The following SEPTIN7 variants were observed in gnomAD, a reference collection of about 807,000 sequenced individuals.
SEPTIN7 encodes septin 7.
Under a neutral mutation model 63.3 loss-of-function variants are expected in SEPTIN7, and 10 were observed. That is an observed-to-expected ratio of 0.16 (90% confidence interval 0.10 to 0.27). The LOEUF is 0.27. Among genes scored for constraint, SEPTIN7 ranks in the 10% least tolerant of loss-of-function variants. The probability of loss-of-function intolerance (pLI) is 1.00; values close to 1 mark genes in which losing one functional copy is unlikely to be tolerated. For missense variants in SEPTIN7, 310 were observed against 521.0 expected (o/e 0.59, Z 3.94); for synonymous variants, 131 against 165.3 (o/e 0.79, Z 1.59).
At chr7:35,801,009 G>C, upstream of SEPTIN7, 1 of 448,092 alleles carries the variant, frequency 2.2e-6, no homozygotes, top group South Asian at 4.3e-5. Context: ...GCCTCCGCTA[G>C]GCCCGGAAGC....
At chr7:35,844,573 T>G (rs559445490) in intron 3 of SEPTIN7, among the ~76,000 whole-genome samples, 6 of 151,314 alleles carry the variant, frequency 4.0e-5, no homozygotes, top group Non-Finnish European at 8.8e-5. Flanking sequence ...ACTTTGAATC[T>G]CACTTTCCTT....
At chr7:35,914,488 C>G in the SEPTIN7 span, among the ~76,000 whole-genome samples, 1 of 152,144 alleles carries the variant, frequency 6.6e-6, no homozygotes, top group African/African-American at 2.4e-5. Flanking sequence ...TCCGGGCTTT[C>G]TTTGGACTCA....
chr7:35,901,419 CAAAT>C (rs1788314327), intron 12 of SEPTIN7: 2 of 152,096 alleles, frequency 1.3e-5, no homozygotes, highest in African/African-American at 2.4e-5. Context: ...TTTACTGAAA[CAAAT>C]AAAAAGTAAT....
intron 3 of SEPTIN7, among the ~76,000 whole-genome samples, chr7:35,851,128 G>C (rs1158314063): frequency 1.3e-5 from 2 of 152,104 alleles, no homozygotes; most frequent in African/African-American, 4.8e-5. Flanking sequence ...TAACATTCTT[G>C]AGTAGTGATA....
At chr7:35,903,734 T>G (rs1228205780) in intron 13 of SEPTIN7, among the ~76,000 whole-genome samples, 1 of 152,238 alleles carries the variant, frequency 6.6e-6, no homozygotes, top group Non-Finnish European at 1.5e-5. Context: ...TTTCTTTTCC[T>G]TAATAGTTTC....
At chr7:35,816,867 G>T (rs1252269073) in intron 1 of SEPTIN7, among the ~76,000 whole-genome samples, 3 of 152,068 alleles carry the variant, frequency 2.0e-5, no homozygotes, top group African/African-American at 7.2e-5. Flanking sequence ...ACCTTCTCTG[G>T]AGGAATGTCT....
intron 4 of SEPTIN7, among the ~76,000 whole-genome samples, chr7:35,871,837 GTTTGCTTTATC>G (rs966544317): frequency 6.6e-6 from 1 of 152,088 alleles, no homozygotes; most frequent in African/African-American, 2.4e-5. Flanking sequence ...TTGAATCCGT[GTTTGCTTTATC>G]TTGGGTTCCT....
chr7:35,829,719 A>G (rs1783727759), intron 1 of SEPTIN7, among the ~76,000 whole-genome samples: 1 of 152,184 alleles, frequency 6.6e-6, no homozygotes, highest in African/African-American at 2.4e-5. Flanking sequence ...TGGAGCTTAC[A>G]TTGCGGGCAG....
chr7:35,805,138 T>A (rs1788250301), intron 1 of SEPTIN7, among the ~76,000 whole-genome samples: 1 of 152,196 alleles, frequency 6.6e-6, no homozygotes, highest in Non-Finnish European at 1.5e-5. Context: ...TGCCTCGGCC[T>A]CCCAAAGTGC....
In SEPTIN7 at chr7:35,832,205, G is replaced by A; in HGVS notation, c.67-593G>A. 1.2e-5 allele frequency: 5 copies of A among 410,334 alleles called. 1 individual carries two copies. Among genetic ancestry groups the A allele is most frequent in the South Asian group, 8.9e-5 (5 of 56,402 alleles). The allele number at this position is 410,334 out of a possible 1,614,324, so 25.4% of individuals were successfully genotyped here. On this transcript the variant is annotated intron_variant, in intron 2 of 13. Coordinates refer to ENST00000350320, the MANE Select transcript of SEPTIN7 (RefSeq NM_001788.6). ...GAAGATAAAGGCAGTAGGATCATGT[G>A]AAACCTTGAAGTGACAAAATTGGAC...
intron 1 of SEPTIN7, chr7:35,815,239 AG>A: frequency 2.6e-6 from 1 of 387,950 alleles, no homozygotes; most frequent in Non-Finnish European, 5.0e-6. Flanking sequence ...TTTTTTTGAG[AG>A]TAGTGATTAA....
chr7:35,801,382 G>T, intron 1 of SEPTIN7, 112 bp downstream of exon 1: 1 of 1,352,786 alleles, frequency 7.4e-7, no homozygotes, highest in Non-Finnish European at 9.8e-7. Context: ...CGGAGGCAGC[G>T]GCGAGGGGAG....
rs1339152688 is a variant in SEPTIN7, at chr7:35,905,387, T to G, written c.*1094T>G. The G allele has an allele frequency of 6.6e-6, 1 of 152,370 alleles. No individual in the cohort carries two copies. The highest frequency in any genetic ancestry group is 2.4e-5 in the African/African-American group (1 of 41,460). 9.4% of individuals were successfully genotyped at this position (152,370 alleles called of 1,614,324 possible). A position where few individuals can be genotyped will look rare whatever the true frequency, so the allele number is the denominator to read the frequency against. ...TGGGAAGAAACTTTTCAGCTTAAGTTTGCCTCCTCTACAATGACATCTTTT... is the reference window on the plus strand; with the variant it reads ...TGGGAAGAAACTTTTCAGCTTAAGTGTGCCTCCTCTACAATGACATCTTTT... On this transcript the variant is annotated 3_prime_UTR_variant, in exon 14 of 14. Transcript: ENST00000350320.
At chr7:35,910,259 C>T (rs1217806805), downstream of SEPTIN7, among the ~76,000 whole-genome samples, 3 of 152,156 alleles carry the variant, frequency 2.0e-5, no homozygotes, top group Non-Finnish European at 2.9e-5. Context: ...TGTACAAGAG[C>T]GGGCGTACTA....
At chr7:35,821,148 A>G (rs1402149688) in intron 1 of SEPTIN7, among the ~76,000 whole-genome samples, 1 of 152,138 alleles carries the variant, frequency 6.6e-6, no homozygotes, top group Non-Finnish European at 1.5e-5. Context: ...AGAGGTAGAG[A>G]GATGACAATG....
intron 12 of SEPTIN7, chr7:35,899,899 T>C (rs566772675): frequency 1.3e-5 from 2 of 152,200 alleles, no homozygotes; most frequent in East Asian, 1.9e-4. Context: ...TATATACATA[T>C]ATATATATGG....
chr7:35,848,338 G>T (rs1004070410), intron 3 of SEPTIN7, among the ~76,000 whole-genome samples: 4 of 151,882 alleles, frequency 2.6e-5, no homozygotes, highest in Non-Finnish European at 4.4e-5. Context: ...TGTGATCTCG[G>T]CTCACTGCAA....
intron 10 of SEPTIN7, among the ~76,000 whole-genome samples, chr7:35,887,901 A>G (rs529998592): frequency 1.3e-5 from 2 of 152,362 alleles, no homozygotes; most frequent in South Asian, 2.1e-4. Context: ...TAAAATACCA[A>G]TACCAATATT....
intron 10 of SEPTIN7, among the ~76,000 whole-genome samples, chr7:35,888,417 A>G (rs1787406517): frequency 6.6e-6 from 1 of 152,212 alleles, no homozygotes; most frequent in African/African-American, 2.4e-5. Flanking sequence ...CAATTAGTAA[A>G]TTCACCTTAC....
Sources: allele counts gnomAD v4.1 joint callset (sites outside exome capture counted in the v4.1 genomes callset), GRCh38; gene constraint gnomAD v4.1.1; transcripts MANE v1.5; gene names NCBI Gene and HGNC (gene_info 2026-07-23, HGNC 2026-07-21).